The following TM9SF2 variants were observed in gnomAD, a reference collection of about 807,000 sequenced individuals.
The protein encoded by TM9SF2 is 76 kDa membrane protein.
TM9SF2 carries 13 observed loss-of-function variants against 84.9 expected under a neutral mutation model. The ratio of observed to expected loss-of-function variants is 0.15; its 90% CI spans 0.10 to 0.24. TM9SF2 has a LOEUF of 0.24. Among genes scored for constraint, TM9SF2 ranks in the 10% least tolerant of loss-of-function variants. The pLI is 1.00. For missense variants in TM9SF2, 562 were observed against 818.5 expected (o/e 0.69, Z 3.82); for synonymous variants, 273 against 285.8 (o/e 0.96, Z 0.45).
chr13:99,544,041 A>G lies in TM9SF2; in HGVS notation c.1150+46A>G, dbSNP rs764889137. On this transcript the variant is annotated intron_variant, in intron 10 of 16. Coordinates refer to ENST00000376387, the MANE Select transcript of TM9SF2 (RefSeq NM_004800.3). ...TTCAAGTAGAAAATACTTTCTAAAT[A>G]CAGTAATTGCTTAAAAACCAGTTTT... The G allele has an allele frequency of 2.3e-5, 37 of 1,601,994 alleles. 1 individual carries two copies. The highest frequency in any genetic ancestry group is 2.2e-5 in the Non-Finnish European group (26 of 1,171,814).
chr13:99,522,038 C>T lies in TM9SF2; in HGVS notation c.333+1909C>T, dbSNP rs114699317. Among the ~76,000 whole-genome samples, 778 of 151,496 alleles carry T rather than the reference C, an allele frequency of 5.1e-3. 12 individuals are homozygous for T. The highest frequency in any genetic ancestry group is 0.018 in the African/African-American group (735 of 41,330). On this transcript the variant is annotated intron_variant, in intron 3 of 16. Coordinates refer to ENST00000376387, the MANE Select transcript of TM9SF2 (RefSeq NM_004800.3). ...TTTCAAATACTTTTTTTTTCTTTTT[C>T]GAGACAGAGTGTCACTCTATTGCTC...
intron 3 of TM9SF2, among the ~76,000 whole-genome samples, chr13:99,523,141 A>G (rs2046167647): frequency 6.6e-6 from 1 of 151,932 alleles, no homozygotes; most frequent in Non-Finnish European, 1.5e-5. Flanking sequence ...TTGATTCTTT[A>G]TTTTCAAGGA....
At chr13:99,531,013 A>G (rs917103560) in intron 4 of TM9SF2, among the ~76,000 whole-genome samples, 9 of 151,924 alleles carry the variant, frequency 5.9e-5, no homozygotes, top group African/African-American at 1.7e-4. Context: ...TGTGCCCGCC[A>G]CCACACCTGG....
At chr13:99,508,282 T>A (rs536125859) in intron 1 of TM9SF2, among the ~76,000 whole-genome samples, 1 of 152,196 alleles carries the variant, frequency 6.6e-6, no homozygotes, top group South Asian at 2.1e-4. Context: ...TTCTTTCTAG[T>A]CACATCAGTG....
chr13:99,562,938 C>A lies in TM9SF2; in HGVS notation c.*180C>A. On this transcript the variant is annotated 3_prime_UTR_variant, in exon 17 of 17. Transcript: ENST00000376387. ...TCCCCCATAAGATGTGTCTTCAACA[C>A]TATAAAGCATTTGTATTGTGATTTG... 1 of 520,396 alleles carries A rather than the reference C, an allele frequency of 1.9e-6. No individual in the cohort carries two copies. Among genetic ancestry groups the A allele is most frequent in the Non-Finnish European group, 3.4e-6 (1 of 297,690 alleles). 32.2% of individuals were successfully genotyped at this position (520,396 alleles called of 1,614,324 possible). A position where few individuals can be genotyped will look rare whatever the true frequency, so the allele number is the denominator to read the frequency against.
chr13:99,537,741 A>G lies in TM9SF2; in HGVS notation c.594A>G (p.Ser198=), dbSNP rs778122259. The change falls in exon 6 of 17, where the codon TCA becomes TCG. Residue 198 remains serine, a splice_region_variant and synonymous_variant. Coordinates refer to ENST00000376387, the MANE Select transcript of TM9SF2 (RefSeq NM_004800.3). ...AACTTTTAAGTTCTGTTCTGCAGTCAGATTTCCATGAAAGAGATACATTTT... is the reference window on the plus strand; with the variant it reads ...AACTTTTAAGTTCTGTTCTGCAGTCGGATTTCCATGAAAGAGATACATTTT... ...GHAKDACVIS[S]DFHERDTFYI... is the part of the protein sequence containing the mutation. 1.2e-5 allele frequency: 19 copies of G among 1,602,240 alleles called. No homozygotes were observed. Among genetic ancestry groups the G allele is most frequent in the Non-Finnish European group, 1.4e-5 (17 of 1,177,462 alleles).
intron 3 of TM9SF2, among the ~76,000 whole-genome samples, chr13:99,523,511 C>A (rs1043190738): frequency 1.3e-5 from 2 of 152,210 alleles, no homozygotes; most frequent in Non-Finnish European, 2.9e-5. Flanking sequence ...AATAAAATCC[C>A]AGTCTGCTTT....
At chr13:99,544,393 A>C (rs1046096500) in intron 10 of TM9SF2, among the ~76,000 whole-genome samples, 1 of 151,736 alleles carries the variant, frequency 6.6e-6, no homozygotes, top group Non-Finnish European at 1.5e-5. Context: ...TAGGTAAGCC[A>C]GATTATTTCT....
chr13:99,542,356 G>T (rs1360690345), intron 9 of TM9SF2, among the ~76,000 whole-genome samples: 1 of 152,072 alleles, frequency 6.6e-6, no homozygotes. Flanking sequence ...TATTTGTGTG[G>T]TTAATTTTTT....
At chr13:99,537,710 A>G (rs1566569413) in intron 5 of TM9SF2, 29 bp from the exon 6 acceptor site, 3 of 1,571,556 alleles carry the variant, frequency 1.9e-6, no homozygotes, top group East Asian at 2.3e-5. Flanking sequence ...TCAGTTTTCT[A>G]CCTTTAACTT....
chr13:99,545,259 T>C (rs1352069231), intron 10 of TM9SF2, among the ~76,000 whole-genome samples: 2 of 152,230 alleles, frequency 1.3e-5, no homozygotes, highest in Admixed American at 6.5e-5. Flanking sequence ...AGTATCATTT[T>C]CAAATGTCTG....
At chr13:99,516,684 C>G (rs1268669688) in intron 1 of TM9SF2, among the ~76,000 whole-genome samples, 1 of 152,204 alleles carries the variant, frequency 6.6e-6, no homozygotes, top group African/African-American at 2.4e-5. Context: ...TCCCTCTACC[C>G]TGTTGTTGAG....
intron 3 of TM9SF2, among the ~76,000 whole-genome samples, chr13:99,520,434 C>A (rs1277299674): frequency 6.6e-6 from 1 of 152,200 alleles, no homozygotes; most frequent in African/African-American, 2.4e-5. Flanking sequence ...GTCCTGGAAC[C>A]CAGCTTCCAG....
intron 16 of TM9SF2, among the ~76,000 whole-genome samples, chr13:99,559,982 A>G (rs1017193301): frequency 6.6e-6 from 1 of 152,170 alleles, no homozygotes; most frequent in Non-Finnish European, 1.5e-5. Flanking sequence ...TTAATCTAGA[A>G]GCTTTTATCT....
intron 9 of TM9SF2, among the ~76,000 whole-genome samples, chr13:99,542,643 A>G (rs2046265767): frequency 6.6e-6 from 1 of 152,114 alleles, no homozygotes; most frequent in Non-Finnish European, 1.5e-5. Context: ...GGGAAAATAT[A>G]TATGAATATT....
At chr13:99,551,570 G>A (rs1399965185) in intron 12 of TM9SF2, among the ~76,000 whole-genome samples, 2 of 152,164 alleles carry the variant, frequency 1.3e-5, no homozygotes, top group African/African-American at 2.4e-5. Flanking sequence ...AAGTGGTTGC[G>A]CTTAAAAACT....
intron 15 of TM9SF2, among the ~76,000 whole-genome samples, chr13:99,558,000 A>AT (rs2046331112): frequency 6.6e-6 from 1 of 152,132 alleles, no homozygotes; most frequent in Admixed American, 6.5e-5. Context: ...TAGCTTTTGT[A>AT]TTTTGTGTGA....
At chr13:99,552,898 G>C (rs2046311799) in intron 13 of TM9SF2, among the ~76,000 whole-genome samples, 2 of 152,208 alleles carry the variant, frequency 1.3e-5, no homozygotes. Context: ...AAGCAGAGAA[G>C]AAGTCACTGT....
chr13:99,558,336 C>G (rs2139113993), intron 15 of TM9SF2, among the ~76,000 whole-genome samples: 1 of 152,270 alleles, frequency 6.6e-6, no homozygotes, highest in Non-Finnish European at 1.5e-5. Flanking sequence ...TGAGGATTAA[C>G]TTTTCCAATC....
Sources: gnomAD v4.1 joint callset for allele counts (sites outside exome capture counted in the v4.1 genomes callset) on GRCh38, gnomAD v4.1.1 for gene constraint, MANE v1.5 for transcripts, NCBI Gene and HGNC (gene_info 2026-07-23, HGNC 2026-07-21) for gene names.